The following NAF1 variants were observed in gnomAD, a reference collection of about 807,000 sequenced individuals.
The protein encoded by NAF1 is nuclear assembly factor 1 ribonucleoprotein, also known as H/ACA ribonucleoprotein complex non-core subunit NAF1.
A neutral mutation model predicts 40.6 loss-of-function variants in NAF1; 11 were observed. That is an observed-to-expected ratio of 0.27 (90% CI 0.17 to 0.45). The LOEUF is 0.45. NAF1 is among the 20% of genes least tolerant of loss of function. NAF1 has a pLI of 1.00. For synonymous variants in NAF1, 260 were observed against 228.5 expected (o/e 1.14, Z -1.24); for missense variants, 607 against 611.1 (o/e 0.99, Z 0.07).
intron 1 of NAF1, among the ~76,000 whole-genome samples, chr4:163,164,852 C>G (rs1247620828): frequency 6.6e-6 from 1 of 152,192 alleles, no homozygotes; most frequent in Non-Finnish European, 1.5e-5. Context: ...TCCTCAGTTA[C>G]GAAAGTATGT....
At position 163,164,243 on chromosome 4, in the gene NAF1, T is replaced by C; in HGVS notation, c.514A>G (p.Lys172Glu). ...IEKENKNFPLKTKDELLLNEL... is the reference protein window; with the variant it reads ...IEKENKNFPLETKDELLLNEL... Reference sequence around the variant, plus strand: ...TTAAGAAGTAATTCATCTTTTGTTTTAAGAGGAAAATTCTTATTTTCCTTC... The same window carrying C: ...TTAAGAAGTAATTCATCTTTTGTTTCAAGAGGAAAATTCTTATTTTCCTTC... The change falls in exon 2 of 8, where the codon AAA becomes GAA. Residue 172 changes from lysine (K) to glutamate (E), a missense_variant. Transcript: ENST00000274054. 1 of 1,563,636 alleles carries C rather than the reference T, an allele frequency of 6.4e-7. No homozygotes were observed. Among genetic ancestry groups the C allele is most frequent in the Non-Finnish European group, 8.6e-7 (1 of 1,159,382 alleles).
chr4:163,162,214 C>G (rs1245501635), intron 2 of NAF1, among the ~76,000 whole-genome samples: 1 of 152,206 alleles, frequency 6.6e-6, no homozygotes, highest in Non-Finnish European at 1.5e-5. Context: ...CCTAAACACA[C>G]TACATACCTG....
intron 2 of NAF1, among the ~76,000 whole-genome samples, chr4:163,113,933 C>A (rs1730244936): frequency 2.0e-5 from 3 of 152,168 alleles, no homozygotes; most frequent in Non-Finnish European, 4.4e-5. Context: ...CCTTAAAATT[C>A]TATTGCTTCT....
downstream of NAF1, chr4:163,126,894 G>A: frequency 1.4e-6 from 2 of 1,456,326 alleles, 1 homozygote; most frequent in South Asian, 2.9e-5. Context: ...GTAACTCACT[G>A]CAGGCTCAAA....
downstream of NAF1, chr4:163,127,061 C>T (rs1223050870): frequency 1.3e-6 from 2 of 1,551,556 alleles, no homozygotes; most frequent in Non-Finnish European, 1.7e-6. Flanking sequence ...GTGTGACTCA[C>T]TTGACTGCAA....
chr4:163,130,078 G>T (rs550542178), intron 7 of NAF1, among the ~76,000 whole-genome samples: 2 of 152,134 alleles, frequency 1.3e-5, no homozygotes, highest in Non-Finnish European at 2.9e-5. Flanking sequence ...TGTTCCTTTC[G>T]CTGCCAGAGT....
intron 2 of NAF1, among the ~76,000 whole-genome samples, chr4:163,116,066 C>A (rs995809939): frequency 6.6e-6 from 1 of 152,142 alleles, no homozygotes; most frequent in Non-Finnish European, 1.5e-5. Flanking sequence ...TTTTAGAAGT[C>A]TAAGTTCTTG....
chr4:163,106,724 TTATGTTTTCTGAGG>T (rs1730054551), downstream of NAF1, among the ~76,000 whole-genome samples: 1 of 152,160 alleles, frequency 6.6e-6, no homozygotes, highest in African/African-American at 2.4e-5. Context: ...AGAGTTAATC[TTATGTTTTCTGAGG>T]TATGTTTTCT....
chr4:163,164,510 T>A (rs952858297), intron 1 of NAF1, 119 bp from the exon 2 acceptor site: 1 of 732,276 alleles, frequency 1.4e-6, no homozygotes, highest in Non-Finnish European at 2.0e-6. Context: ...TATTCTAATA[T>A]TAAAATAAGA....
Position 163,114,676 on chromosome 4 carries a change from AT to A in NAF1, c.115-4387del, listed in dbSNP as rs1252384685. Among the ~76,000 whole-genome samples, 10 of 151,934 alleles carry A rather than the reference AT, an allele frequency of 6.6e-5. No individual in the cohort carries two copies. In the East Asian group the frequency reaches 1.7e-3, roughly 27 times the overall value. On this transcript the variant is annotated intron_variant, in intron 2 of 2. Coordinates refer to the NAF1 transcript ENST00000509434. ...TCTACATTTGTGAGATCTGCTTGCA[AT>A]TTTTCTTCTTTATAATGTCCTTGTC...
chr4:163,110,868 A>AT (rs971740430), intron 2 of NAF1, among the ~76,000 whole-genome samples: 2 of 152,092 alleles, frequency 1.3e-5, no homozygotes, highest in Non-Finnish European at 2.9e-5. Context: ...ATTTATTTAT[A>AT]TTTTTTAAAA....
chr4:163,106,159 CAA>C (rs939382412), downstream of NAF1, among the ~76,000 whole-genome samples: 3 of 152,004 alleles, frequency 2.0e-5, no homozygotes, highest in Non-Finnish European at 4.4e-5. Flanking sequence ...TTATCCCAAA[CAA>C]AGACATAATA....
chr4:163,120,627 C>T (rs1339540468), intron 2 of NAF1, among the ~76,000 whole-genome samples: 3 of 152,110 alleles, frequency 2.0e-5, no homozygotes, highest in Non-Finnish European at 4.4e-5. Context: ...CTGTACTAGC[C>T]TTCAAATAAA....
chr4:163,127,015 C>G, downstream of NAF1: 1 of 1,551,434 alleles, frequency 6.4e-7, no homozygotes, highest in Non-Finnish European at 8.7e-7. Flanking sequence ...AGCATGTAAA[C>G]GTAACTTTTA....
chr4:163,118,677 C>T (rs1001236459), intron 2 of NAF1, among the ~76,000 whole-genome samples: 3 of 152,086 alleles, frequency 2.0e-5, no homozygotes, highest in African/African-American at 7.2e-5. Context: ...CACTTAAACC[C>T]GGGAGGTAGA....
intron 2 of NAF1, among the ~76,000 whole-genome samples, chr4:163,116,151 G>A (rs965342979): frequency 5.3e-5 from 8 of 152,088 alleles, no homozygotes; most frequent in Non-Finnish European, 1.2e-4. Flanking sequence ...GTTTTTGATT[G>A]ATATTGAGTT....
chr4:163,133,467 G>A (rs1579145561), intron 6 of NAF1: 1 of 458,450 alleles, frequency 2.2e-6, no homozygotes, highest in East Asian at 3.6e-5. Context: ...AATTAACACA[G>A]GCCAGTAATC....
At chr4:163,104,268 T>C in the NAF1 span, among the ~76,000 whole-genome samples, 2 of 152,184 alleles carry the variant, frequency 1.3e-5, no homozygotes, top group South Asian at 2.1e-4. Flanking sequence ...TCTGGATGTA[T>C]ACATGCAGGT....
At chr4:163,122,760 C>A (rs1375312696), downstream of NAF1, among the ~76,000 whole-genome samples, 1 of 152,154 alleles carries the variant, frequency 6.6e-6, no homozygotes, top group Admixed American at 6.5e-5. Flanking sequence ...TTCAGCCACT[C>A]CTGTCCTCTC....
Sources: allele counts gnomAD v4.1 joint callset (sites outside exome capture counted in the v4.1 genomes callset), GRCh38; gene constraint gnomAD v4.1.1; transcripts MANE v1.5; gene names NCBI Gene and HGNC (gene_info 2026-07-23, HGNC 2026-07-21).